Variants in PGAP3 observed in about 807,000 individuals in gnomAD.
PGAP3 encodes the protein post-GPI attachment to proteins phospholipase 3.
A neutral mutation model predicts 40.3 loss-of-function variants in PGAP3; 31 were observed. That is an observed-to-expected ratio of 0.77 (90% confidence interval 0.58 to 1.04). The LOEUF (loss-of-function observed/expected upper bound fraction) is 1.04. Among genes scored for constraint, PGAP3 ranks in the 50% least tolerant of loss-of-function variants. The pLI, the probability that PGAP3 is intolerant of heterozygous loss-of-function variation, is 0.00. For synonymous variants in PGAP3, 191 were observed against 184.5 expected (o/e 1.04, Z -0.29); for missense variants, 413 against 423.0 (o/e 0.98, Z 0.21).
chr17:39,677,261 C>T (rs1269443368), intron 3 of PGAP3, among the ~76,000 whole-genome samples: 2 of 152,172 alleles, frequency 1.3e-5, no homozygotes, highest in Admixed American at 6.5e-5. Context: ...AGTAGGTGCC[C>T]ATCAATGTCA....
Position 39,674,021 on chromosome 17 carries a change from G to A in PGAP3, c.529C>T (p.Leu177=), listed in dbSNP as rs2057344353. The A allele has an allele frequency of 6.2e-7, 1 of 1,613,980 alleles. No individual in the cohort carries two copies. The highest frequency in any genetic ancestry group is 8.5e-7 in the Non-Finnish European group (1 of 1,179,980). ...MDYFCASTVI[L]HSIYLCCVRT... ...ACGCAGCACAGGTAGATTGAGTGTA[G>A]GATGACAGTGGAGGCACAGAAGTAG... The change falls in exon 5 of 8, where the codon CTA becomes TTA. Residue 177 remains leucine, a synonymous_variant. Coordinates refer to ENST00000300658, the MANE Select transcript of PGAP3 (RefSeq NM_033419.5).
In PGAP3 at chr17:39,673,099, T is replaced by C. The variant is rs776720232; in HGVS notation, c.851A>G (p.His284Arg). 2 of 1,609,558 alleles carry C rather than the reference T, an allele frequency of 1.2e-6. No individual in the cohort carries two copies. Among genetic ancestry groups the C allele is most frequent in the Non-Finnish European group, 1.7e-6 (2 of 1,178,334 alleles). ...FPPLFWVLDA[H>R]AIWHISTIPV... is the part of the protein sequence containing the mutation. The stretch of plus-strand genomic sequence containing the variant: ...GATGGTGCTGATGTGCCAGATGGCA[T>C]GGGCATCCAGGACCCAGAAGAGCGG... The change falls in exon 7 of 8, where the codon CAT (histidine) becomes CGT (arginine). Residue 284 changes from histidine (H) to arginine (R), a missense_variant. Coordinates refer to ENST00000300658, the MANE Select transcript of PGAP3 (RefSeq NM_033419.5).
intron 5 of PGAP3, 92 bp from the exon 6 acceptor site, chr17:39,673,742 TG>T: frequency 6.5e-7 from 1 of 1,541,420 alleles, no homozygotes; most frequent in South Asian, 1.2e-5. Flanking sequence ...CATTGGTGCA[TG>T]GCCCCTGAAG....
intron 1 of PGAP3, 102 bp from the exon 2 acceptor site, chr17:39,686,121 G>A: frequency 1.0e-6 from 1 of 957,908 alleles, no homozygotes. Context: ...GGGCCTGTAA[G>A]TTGGAGAGAA....
intron 3 of PGAP3, among the ~76,000 whole-genome samples, chr17:39,684,124 C>CAAAAAAAAAA (rs58205601): frequency 1.6e-5 from 1 of 64,396 alleles, no homozygotes; most frequent in Admixed American, 1.8e-4. Flanking sequence ...GACTCTGTCT[C>CAAAAAAAAAA]AAAAAAAAAA....
chr17:39,674,994 C>A (rs1327163680), intron 3 of PGAP3, among the ~76,000 whole-genome samples: 1 of 152,088 alleles, frequency 6.6e-6, no homozygotes, highest in African/African-American at 2.4e-5. Flanking sequence ...AAGACAACAG[C>A]CCCCAGGGGC....
At chr17:39,673,398 C>A in intron 6 of PGAP3, 116 bp downstream of exon 6, 1 of 1,558,904 alleles carries the variant, frequency 6.4e-7, no homozygotes, top group Non-Finnish European at 8.7e-7. Flanking sequence ...AATTCTTCTC[C>A]ATTCCTCTAC....
chr17:39,678,609 C>T (rs2057403344), intron 3 of PGAP3, among the ~76,000 whole-genome samples: 1 of 152,192 alleles, frequency 6.6e-6, no homozygotes, highest in South Asian at 2.1e-4. Context: ...CAAGACTTAG[C>T]CCGGAGCGGG....
At chr17:39,686,080 A>C in intron 1 of PGAP3, 61 bp from the exon 2 acceptor site, 8 of 1,473,312 alleles carry the variant, frequency 5.4e-6, no homozygotes, top group Non-Finnish European at 7.5e-6. Context: ...AGAGAGCATG[A>C]ATGGGGTCCA....
rs570023228 is a variant in PGAP3, at chr17:39,673,245, G to A, written c.705C>T (p.Asn235=). 7.2e-5 allele frequency: 113 copies of A among 1,559,854 alleles called. 1 individual carries two copies. In the South Asian group the frequency reaches 1.2e-3, roughly 16 times the overall value. The part of the protein sequence containing the change: ...LVANVAIGLV[N]VVWWLAWCLW... Reference sequence around the variant, plus strand: ...GGCACCAGGCCAGCCACCACACCACGTTGACCAGGCCTGGGTGCCAGTGGG... The same window carrying A: ...GGCACCAGGCCAGCCACCACACCACATTGACCAGGCCTGGGTGCCAGTGGG... The change falls in exon 7 of 8, where the codon AAC becomes AAT. Residue 235 remains asparagine (N), a synonymous_variant. Coordinates refer to ENST00000300658, the MANE Select transcript of PGAP3 (RefSeq NM_033419.5).
chr17:39,673,858 G>A (rs2057341574), intron 5 of PGAP3, 135 bp downstream of exon 5: 10 of 1,248,310 alleles, frequency 8.0e-6, no homozygotes, highest in Non-Finnish European at 1.1e-5. Flanking sequence ...CCTCACCCAG[G>A]ACAGCTGATG....
At chr17:39,685,005 G>A (rs1200731992) in intron 2 of PGAP3, 1 of 423,242 alleles carries the variant, frequency 2.4e-6, no homozygotes, top group Admixed American at 4.2e-5. Context: ...ATGGGTCAGG[G>A]TAGATGACTC....
intron 3 of PGAP3, among the ~76,000 whole-genome samples, 175 bp downstream of exon 3, chr17:39,684,422 G>A (rs528990639): frequency 6.6e-6 from 1 of 152,174 alleles, no homozygotes; most frequent in Non-Finnish European, 1.5e-5. Flanking sequence ...GGTAAGGCCC[G>A]ATTCAGCACC....
intron 3 of PGAP3, among the ~76,000 whole-genome samples, chr17:39,680,493 C>T (rs1442563336): frequency 2.0e-5 from 3 of 152,162 alleles, no homozygotes; most frequent in Admixed American, 6.5e-5. Context: ...CTCCTTCCCA[C>T]GCCCACCTCC....
In PGAP3 at chr17:39,674,635, C is replaced by G. The variant is rs150483675; in HGVS notation, c.477G>C (p.Arg159Ser). Reference sequence around the variant, plus strand: ...TGCTCACCTCTGTGAGGTCAGTGTCCCTGGTGTGGAAAACTGTGGACCAGA... The same window carrying G: ...TGCTCACCTCTGTGAGGTCAGTGTCGCTGGTGTGGAAAACTGTGGACCAGA... ...AWFWSTVFHT[R>S]DTDLTEKMDY... is the part of the protein sequence containing the mutation. The change falls in exon 4 of 8, where the codon AGG becomes AGC. Residue 159 changes from arginine to serine, a missense_variant. Coordinates refer to ENST00000300658, the MANE Select transcript of PGAP3 (RefSeq NM_033419.5). The G allele has an allele frequency of 1.1e-4, 178 of 1,551,286 alleles. No individual in the cohort carries two copies. The African/African-American group carries it at 2.4e-3, about 20-fold the overall frequency.
intron 3 of PGAP3, among the ~76,000 whole-genome samples, chr17:39,682,821 G>A (rs1340189859): frequency 6.6e-6 from 1 of 152,172 alleles, no homozygotes; most frequent in Non-Finnish European, 1.5e-5. Flanking sequence ...GCTGATGCCT[G>A]TAATCCCAGC....
chr17:39,681,317 T>C (rs192390033), intron 3 of PGAP3, among the ~76,000 whole-genome samples: 57 of 152,290 alleles, frequency 3.7e-4, no homozygotes, highest in Non-Finnish European at 6.3e-4. Flanking sequence ...GGCTCGGTGA[T>C]CTGTGGCTGG....
intron 4 of PGAP3, 96 bp from the exon 5 acceptor site, chr17:39,674,150 G>T (rs1456804316): frequency 4.8e-6 from 6 of 1,252,636 alleles, no homozygotes; most frequent in Non-Finnish European, 5.8e-6. Flanking sequence ...GAGGGGCCGG[G>T]GTCCTGGGCC....
rs2057329623 is a variant in PGAP3 at position 39,673,157 on chromosome 17, C to T, written c.793G>A (p.Gly265Arg). The T allele has an allele frequency of 3.1e-6, 5 of 1,595,334 alleles. No homozygotes were observed. Among genetic ancestry groups the T allele is most frequent in the Non-Finnish European group, 4.3e-6 (5 of 1,171,786 alleles). ...KCVVVVLLLQ[G>R]LSLLELLDFP... ...TCAAGCAGCTCGAGCAGGGACAGCC[C>T]CTGCAGCAGCAAGACCACCACCACG... is the stretch of plus-strand genomic sequence containing the variant. Residue 265 changes from glycine (G) to arginine (R), a missense_variant, in exon 7 of 8, where the codon GGG becomes AGG. Transcript: ENST00000300658.
Sources: allele counts gnomAD v4.1 joint callset (sites outside exome capture counted in the v4.1 genomes callset), GRCh38; gene constraint gnomAD v4.1.1; transcripts MANE v1.5; gene names NCBI Gene and HGNC (gene_info 2026-07-23, HGNC 2026-07-21).